The following UNC13B variants were observed in gnomAD, a reference collection of about 807,000 sequenced individuals.
UNC13B encodes unc-13 homolog B, also known as protein unc-13 homolog B.
In UNC13B, 144 loss-of-function variants were observed where a neutral mutation model predicts 211.0. The ratio of observed to expected loss-of-function variants is 0.68; its 90% CI spans 0.60 to 0.78. The LOEUF is 0.78. Ranked by LOEUF, UNC13B falls within the 30% of genes least tolerant of loss-of-function variation. The probability of loss-of-function intolerance (pLI) is 0.00; values close to 1 mark genes in which losing one functional copy is unlikely to be tolerated. For missense variants in UNC13B, 1,777 were observed against 2,002.0 expected (o/e 0.89, Z 2.14); for synonymous variants, 709 against 725.8 (o/e 0.98, Z 0.37).
intron 1 of UNC13B, among the ~76,000 whole-genome samples, chr9:35,204,979 G>A (rs752769828): frequency 4.6e-5 from 7 of 152,212 alleles, no homozygotes; most frequent in Non-Finnish European, 1.0e-4. Flanking sequence ...GTAATCCCCA[G>A]TGTTGGAGGT....
intron 7 of UNC13B, among the ~76,000 whole-genome samples, chr9:35,275,116 G>A (rs1033022692): frequency 1.3e-5 from 2 of 152,074 alleles, no homozygotes; most frequent in Admixed American, 6.6e-5. Context: ...ATTGTGAAGA[G>A]CAGCTCAGAG....
At chr9:35,388,660 G>A (rs892548208) in intron 24 of UNC13B, among the ~76,000 whole-genome samples, 3 of 152,222 alleles carry the variant, frequency 2.0e-5, no homozygotes, top group South Asian at 2.1e-4. Flanking sequence ...TCTTAGCAGA[G>A]TGTGCGGCAC....
intron 11 of UNC13B, among the ~76,000 whole-genome samples, chr9:35,333,960 GTTTGTTTTTTTT>G (rs1831507202): frequency 7.8e-6 from 1 of 128,076 alleles, no homozygotes; most frequent in African/African-American, 3.1e-5. Flanking sequence ...TCATTTTTTT[GTTTGTTTTTTTT>G]TTTGTTTTTT....
intron 1 of UNC13B, among the ~76,000 whole-genome samples, chr9:35,162,645 C>A (rs1048687754): frequency 5.9e-5 from 9 of 152,120 alleles, no homozygotes; most frequent in Non-Finnish European, 1.2e-4. Flanking sequence ...TGGTGGGCAG[C>A]CTCTCATTCT....
intron 17 of UNC13B, among the ~76,000 whole-genome samples, chr9:35,379,414 A>G (rs949006843): frequency 2.6e-5 from 4 of 151,866 alleles, no homozygotes; most frequent in Non-Finnish European, 4.4e-5. Flanking sequence ...ATGCCACTGT[A>G]CTCCAGCCTG....
chr9:35,335,267 T>A (rs960904380), intron 11 of UNC13B, among the ~76,000 whole-genome samples: 2 of 152,164 alleles, frequency 1.3e-5, no homozygotes, highest in Non-Finnish European at 2.9e-5. Flanking sequence ...CATGAGCTTC[T>A]AAAGATGGAA....
intron 7 of UNC13B, among the ~76,000 whole-genome samples, chr9:35,263,341 G>T (rs1431996756): frequency 1.0e-5 from 1 of 97,412 alleles, no homozygotes; most frequent in Non-Finnish European, 2.2e-5. Context: ...ATGGAACTTG[G>T]TAAAAAAAAA....
chr9:35,288,212 A>G (rs1300705415), intron 7 of UNC13B, among the ~76,000 whole-genome samples: 1 of 151,558 alleles, frequency 6.6e-6, no homozygotes, highest in African/African-American at 2.4e-5. Flanking sequence ...TTTCTACCCA[A>G]CCAACCACCA....
At chr9:35,260,059 A>AAAC (rs1480237112) in intron 7 of UNC13B, among the ~76,000 whole-genome samples, 2 of 149,922 alleles carry the variant, frequency 1.3e-5, no homozygotes, top group African/African-American at 4.9e-5. Context: ...AAAAAAAAAA[A>AAAC]AAAAACCAAG....
At chr9:35,218,023 A>C (rs912300930) in intron 1 of UNC13B, among the ~76,000 whole-genome samples, 1 of 152,120 alleles carries the variant, frequency 6.6e-6, no homozygotes. Context: ...AACCCTCAAA[A>C]AAAAAAGATT....
intron 7 of UNC13B, among the ~76,000 whole-genome samples, chr9:35,277,205 A>AG (rs1828226627): frequency 6.6e-6 from 1 of 152,156 alleles, no homozygotes; most frequent in Non-Finnish European, 1.5e-5. Context: ...AGGAAAAAAA[A>AG]CAATGATCAT....
chr9:35,254,938 ATT>A (rs1328560206), intron 6 of UNC13B, among the ~76,000 whole-genome samples: 5 of 123,154 alleles, frequency 4.1e-5, no homozygotes, highest in African/African-American at 6.2e-5. Context: ...TATAATATAT[ATT>A]AATATATGTA....
At chr9:35,215,741 A>G (rs1824215039) in intron 1 of UNC13B, among the ~76,000 whole-genome samples, 1 of 152,202 alleles carries the variant, frequency 6.6e-6, no homozygotes, top group African/African-American at 2.4e-5. Flanking sequence ...TTTTTTTCCT[A>G]CATAGTTGAA....
chr9:35,326,281 T>C (rs1338999467), intron 11 of UNC13B, among the ~76,000 whole-genome samples: 1 of 152,206 alleles, frequency 6.6e-6, no homozygotes, highest in Admixed American at 6.5e-5. Flanking sequence ...TGGAGTTTAG[T>C]AGTCTCCTCT....
intron 11 of UNC13B, among the ~76,000 whole-genome samples, chr9:35,339,698 G>A (rs182817789): frequency 1.7e-4 from 26 of 152,386 alleles, no homozygotes; most frequent in African/African-American, 6.0e-4. Flanking sequence ...TGTGCCTCAT[G>A]TGCTAACCAC....
At chr9:35,296,776 A>G (rs1045346836) in intron 8 of UNC13B, among the ~76,000 whole-genome samples, 23 of 152,220 alleles carry the variant, frequency 1.5e-4, no homozygotes, top group African/African-American at 5.3e-4. Context: ...ACTTAAAAAT[A>G]AGTTGCAGAT....
At chr9:35,353,476 T>G in intron 11 of UNC13B, 1 of 1,231,930 alleles carries the variant, frequency 8.1e-7, no homozygotes, top group Non-Finnish European at 1.0e-6. Context: ...GTCAGGGGAG[T>G]GAAAGCTTGC....
intron 11 of UNC13B, among the ~76,000 whole-genome samples, chr9:35,350,967 G>A (rs1289888841): frequency 6.6e-6 from 1 of 152,220 alleles, no homozygotes; most frequent in Non-Finnish European, 1.5e-5. Flanking sequence ...CAGACTCCTA[G>A]TACTGAATTT....
At chr9:35,394,636 A>G (rs1835759691) in intron 26 of UNC13B, among the ~76,000 whole-genome samples, 1 of 152,188 alleles carries the variant, frequency 6.6e-6, no homozygotes, top group Non-Finnish European at 1.5e-5. Flanking sequence ...CCAGAACCAA[A>G]GAGAGATTAG....
Sources: allele counts gnomAD v4.1 joint callset (sites outside exome capture counted in the v4.1 genomes callset), GRCh38; gene constraint gnomAD v4.1.1; transcripts MANE v1.5; gene names NCBI Gene and HGNC (gene_info 2026-07-23, HGNC 2026-07-21).